UBA2: variants seen among roughly 807,000 people sequenced by gnomAD.
UBA2 encodes ubiquitin like modifier activating enzyme 2.
UBA2 carries 11 observed loss-of-function variants against 77.2 expected under a neutral mutation model. That is an observed-to-expected ratio of 0.14 (90% CI 0.09 to 0.24). The LOEUF is 0.24. Among genes scored for constraint, UBA2 ranks in the 10% least tolerant of loss-of-function variants. The pLI, the probability that UBA2 is intolerant of heterozygous loss-of-function variation, is 1.00. For missense variants in UBA2, 487 were observed against 781.7 expected (o/e 0.62, Z 4.50); for synonymous variants, 278 against 276.7 (o/e 1.00, Z -0.05).
At chr19:34,464,646 AC>A in intron 15 of UBA2, among the ~76,000 whole-genome samples, 1 of 152,276 alleles carries the variant, frequency 6.6e-6, no homozygotes, top group East Asian at 1.9e-4. Flanking sequence ...TATCAGAAAG[AC>A]CTAGAGTCCA....
rs2075726874 is a variant in UBA2 at position 34,470,589 on chromosome 19, C to T, written c.*1368C>T. 1 of 152,256 alleles carries T rather than the reference C, an allele frequency of 6.6e-6. No individual in the cohort carries two copies. 9.4% of individuals were successfully genotyped at this position (152,256 alleles called of 1,614,324 possible). A position where few individuals can be genotyped will look rare whatever the true frequency, so the allele number is the denominator to read the frequency against. On this transcript the variant is annotated 3_prime_UTR_variant, in exon 17 of 17. Transcript: ENST00000246548. ...CTGGCCTGGAGTGCAGTGGCGCGAT[C>T]CTGGCTCACTGCAGCCTCCGCCTTC...
At chr19:34,453,554 C>T (rs1200282119) in intron 10 of UBA2, among the ~76,000 whole-genome samples, 4 of 144,804 alleles carry the variant, frequency 2.8e-5, no homozygotes, top group Non-Finnish European at 6.0e-5. Context: ...GACAGGGTCT[C>T]ACTCTGTCAC....
chr19:34,438,239 CATATA>C (rs2075331558), intron 5 of UBA2, among the ~76,000 whole-genome samples: 1 of 146,054 alleles, frequency 6.8e-6, no homozygotes, highest in African/African-American at 2.5e-5. Context: ...AAAAAAAACA[CATATA>C]AGAAAATGGC....
intron 9 of UBA2, 132 bp from the exon 10 acceptor site, chr19:34,451,849 T>G: frequency 7.9e-6 from 4 of 507,420 alleles, no homozygotes; most frequent in Non-Finnish European, 1.3e-5. Flanking sequence ...CCTGGCCCCA[T>G]GATAATTATT....
chr19:34,433,195 G>A, intron 3 of UBA2, 153 bp from the exon 4 acceptor site: 1 of 549,778 alleles, frequency 1.8e-6, no homozygotes. Context: ...GCTTATGTTT[G>A]GAAAGAGTCA....
Position 34,467,001 on chromosome 19 carries a change from C to T in UBA2, c.1728C>T (p.Pro576=). 1.9e-6 allele frequency: 3 copies of T among 1,614,024 alleles called. No individual in the cohort carries two copies. Among genetic ancestry groups the T allele is most frequent in the South Asian group, 2.2e-5 (2 of 91,068 alleles). The change falls in exon 16 of 17, where the codon CCC becomes CCT. Residue 576 remains proline, a synonymous_variant. Coordinates refer to ENST00000246548, the MANE Select transcript of UBA2 (RefSeq NM_005499.3). ...ATGGCAGTGATGATGGAGCTCAGCC[C>T]TCCACCTCCACAGGTGAGTATGGCC... ...ITNGSDDGAQ[P]STSTAQEQDD... is the part of the protein sequence containing the mutation.
chr19:34,434,225 C>A (rs2075286120), intron 4 of UBA2, among the ~76,000 whole-genome samples: 1 of 152,122 alleles, frequency 6.6e-6, no homozygotes. Context: ...GATACTCTTA[C>A]CTCAACCTCT....
chr19:34,458,648 C>T, intron 12 of UBA2, 121 bp from the exon 13 acceptor site: 1 of 699,938 alleles, frequency 1.4e-6, no homozygotes, highest in Non-Finnish European at 2.2e-6. Context: ...TCCATTTTGC[C>T]ATCTGGACGG....
At chr19:34,457,068 C>T (rs1422971148) in intron 12 of UBA2, among the ~76,000 whole-genome samples, 10 of 148,740 alleles carry the variant, frequency 6.7e-5, no homozygotes, top group Non-Finnish European at 1.0e-4. Context: ...ATGGCTCACA[C>T]GTGTAATCCC....
At chr19:34,461,806 C>G (rs971941138) in intron 14 of UBA2, among the ~76,000 whole-genome samples, 1 of 151,556 alleles carries the variant, frequency 6.6e-6, no homozygotes, top group Non-Finnish European at 1.5e-5. Flanking sequence ...GAGCATCGTC[C>G]AAGGAAAACT....
intron 13 of UBA2, among the ~76,000 whole-genome samples, chr19:34,459,754 A>T (rs2075610292): frequency 6.6e-6 from 1 of 152,148 alleles, no homozygotes; most frequent in South Asian, 2.1e-4. Flanking sequence ...CTCTTGAGAG[A>T]GGAGGAAGTG....
chr19:34,445,406 C>T (rs1343421995), intron 8 of UBA2, among the ~76,000 whole-genome samples: 3 of 145,876 alleles, frequency 2.1e-5, no homozygotes, highest in East Asian at 2.0e-4. Flanking sequence ...TACAGAACTT[C>T]TTCGTTTTCC....
chr19:34,451,049 G>A (rs766874191), intron 9 of UBA2, among the ~76,000 whole-genome samples: 4 of 152,060 alleles, frequency 2.6e-5, no homozygotes, highest in Non-Finnish European at 5.9e-5. Flanking sequence ...TTAGAGTGCA[G>A]TGGCTGTTCA....
intron 15 of UBA2, among the ~76,000 whole-genome samples, chr19:34,465,148 A>G (rs904998952): frequency 6.6e-6 from 1 of 152,184 alleles, no homozygotes; most frequent in African/African-American, 2.4e-5. Context: ...ATTTTTGTTC[A>G]TGCTCATTGA....
intron 13 of UBA2, 135 bp from the exon 14 acceptor site, chr19:34,460,335 G>A (rs2075617379): frequency 6.2e-6 from 4 of 640,448 alleles, no homozygotes; most frequent in Non-Finnish European, 1.1e-5. Context: ...CTTGCTCTAA[G>A]GGATCTTGAA....
At chr19:34,443,226 T>G (rs1287335412) in intron 6 of UBA2, among the ~76,000 whole-genome samples, 2 of 152,180 alleles carry the variant, frequency 1.3e-5, no homozygotes, top group African/African-American at 2.4e-5. Flanking sequence ...AACATTATTC[T>G]GGTGTTAGAA....
At chr19:34,449,445 A>G (rs1055273846) in intron 8 of UBA2, among the ~76,000 whole-genome samples, 66 of 152,164 alleles carry the variant, frequency 4.3e-4, no homozygotes, top group African/African-American at 1.3e-3. Context: ...TATTCTCTAT[A>G]AAGATTAAGG....
Position 34,460,465 on chromosome 19 carries a change from T to G in UBA2, c.1402-5T>G. 6.6e-7 allele frequency: 1 copy of G among 1,524,772 alleles called. No individual in the cohort carries two copies. The highest frequency in any genetic ancestry group is 8.9e-7 in the Non-Finnish European group (1 of 1,126,388). The allele number at this position is 1,524,772 out of a possible 1,614,324, so 94.5% of individuals were successfully genotyped here. ...TATTTTGAATCCTTTTTTTTTTTTT[T>G]GTAGATAGTGAAAGAAAAATTTGCT... On this transcript the variant is annotated splice_region_variant and splice_polypyrimidine_tract_variant and intron_variant, in intron 13 of 16. Transcript: ENST00000246548.
chr19:34,428,453 G>A lies in UBA2; in HGVS notation c.21G>A (p.Leu7=), dbSNP rs2075210688. The change falls in exon 1 of 17, where the codon CTG becomes CTA. Residue 7 remains leucine, a synonymous_variant. Coordinates refer to ENST00000246548, the MANE Select transcript of UBA2 (RefSeq NM_005499.3). Reference sequence around the variant, plus strand: ...CCGCCATGGCACTGTCGCGGGGGCTGCCCCGGGAGCTGGCTGAGGCGGTGG... The same window carrying A: ...CCGCCATGGCACTGTCGCGGGGGCTACCCCGGGAGCTGGCTGAGGCGGTGG... The part of the protein sequence containing the change: MALSRG[L]PRELAEAVAG... The A allele has an allele frequency of 1.6e-6, 2 of 1,280,500 alleles. No individual in the cohort carries two copies. The highest frequency in any genetic ancestry group is 3.5e-5 in the Admixed American group (1 of 28,390). 79.3% of individuals were successfully genotyped at this position (1,280,500 alleles called of 1,614,324 possible). A position where few individuals can be genotyped will look rare whatever the true frequency, so the allele number is the denominator to read the frequency against.
Sources: allele counts gnomAD v4.1 joint callset (sites outside exome capture counted in the v4.1 genomes callset), GRCh38; gene constraint gnomAD v4.1.1; transcripts MANE v1.5; gene names NCBI Gene and HGNC (gene_info 2026-07-23, HGNC 2026-07-21).